Variants in CADM2 observed in about 807,000 individuals in gnomAD.
CADM2 encodes immunoglobulin superfamily member 4D.
A neutral mutation model predicts 49.8 loss-of-function variants in CADM2; 12 were observed. The ratio of observed to expected loss-of-function variants is 0.24; its 90% CI spans 0.15 to 0.39. CADM2 has a LOEUF of 0.39. Among genes scored for constraint, CADM2 ranks in the 10% least tolerant of loss-of-function variants. The probability of loss-of-function intolerance (pLI) is 1.00; values close to 1 mark genes in which losing one functional copy is unlikely to be tolerated. For synonymous variants in CADM2, 214 were observed against 175.4 expected (o/e 1.22, Z -1.74); for missense variants, 378 against 492.3 (o/e 0.77, Z 2.20).
chr3:85,442,144 C>T (rs190401135), intron 1 of CADM2, among the ~76,000 whole-genome samples: 15 of 152,026 alleles, frequency 9.9e-5, no homozygotes, highest in East Asian at 7.7e-4. Context: ...TTTTTATGCG[C>T]GTCATAAAAG....
At chr3:85,005,640 A>C (rs560495614) in intron 1 of CADM2, among the ~76,000 whole-genome samples, 18 of 152,124 alleles carry the variant, frequency 1.2e-4, no homozygotes, top group African/African-American at 4.1e-4. Context: ...ACGTGCAGAG[A>C]TGGAATAACG....
intron 8 of CADM2, among the ~76,000 whole-genome samples, chr3:86,017,013 C>A (rs1732337098): frequency 6.6e-6 from 1 of 151,670 alleles, no homozygotes; most frequent in African/African-American, 2.4e-5. Context: ...TAGAAAAATA[C>A]AATAATCATT....
At position 85,206,409 on chromosome 3, in the gene CADM2, A is replaced by G. The variant is rs560860483; in HGVS notation, c.61+246741A>G. On this transcript the variant is annotated intron_variant, in intron 1 of 9. Transcript: ENST00000383699. ...TGCAAGCTCCGCCTCCCAGGTTCACACCATTCTCCTGCCTCAGCCTCCCGA... is the reference window on the plus strand; with the variant it reads ...TGCAAGCTCCGCCTCCCAGGTTCACGCCATTCTCCTGCCTCAGCCTCCCGA... Among the ~76,000 whole-genome samples, 25 of 149,194 alleles carry G rather than the reference A, an allele frequency of 1.7e-4. No individual in the cohort carries two copies. In the South Asian group the frequency reaches 2.1e-3, roughly 13 times the overall value.
chr3:85,220,386 A>G (rs1310709772), intron 1 of CADM2, among the ~76,000 whole-genome samples: 1 of 152,144 alleles, frequency 6.6e-6, no homozygotes, highest in Admixed American at 6.5e-5. Flanking sequence ...TCAGCATTCT[A>G]TATTACTGTC....
intron 1 of CADM2, among the ~76,000 whole-genome samples, chr3:85,143,956 G>A (rs1488316103): frequency 2.0e-5 from 3 of 152,084 alleles, no homozygotes; most frequent in Admixed American, 2.0e-4. Flanking sequence ...TTCATCTTCA[G>A]TTATACTCCT....
chr3:85,166,897 A>G (rs922940118), intron 1 of CADM2, among the ~76,000 whole-genome samples: 1 of 151,980 alleles, frequency 6.6e-6, no homozygotes. Flanking sequence ...ATTGTATATG[A>G]TAAAATTAAA....
In CADM2 at chr3:85,007,199, G is replaced by T. The variant is rs116616117; in HGVS notation, c.61+47531G>T. 6.1e-3 allele frequency among the ~76,000 whole-genome samples: 931 copies of T among 152,108 alleles called. 15 individuals are homozygous for T. The highest frequency in any genetic ancestry group is 0.021 in the African/African-American group (891 of 41,506). ...TTTTAATTATTTAGAAAAAATTCTC[G>T]AATCAGGTAGTATTCAAGCTTGTAG... On this transcript the variant is annotated intron_variant, in intron 1 of 9. Coordinates refer to ENST00000383699, the MANE Select transcript of CADM2 (RefSeq NM_001167675.2).
intron 1 of CADM2, among the ~76,000 whole-genome samples, chr3:85,428,113 T>C (rs2036497405): frequency 6.6e-6 from 1 of 151,636 alleles, no homozygotes; most frequent in Admixed American, 6.6e-5. Flanking sequence ...GTGATGCTGG[T>C]TATTTCACTA....
intron 1 of CADM2, among the ~76,000 whole-genome samples, chr3:85,014,981 G>GA (rs1451540769): frequency 6.6e-6 from 1 of 152,024 alleles, no homozygotes; most frequent in Non-Finnish European, 1.5e-5. Flanking sequence ...CTTATAATGA[G>GA]AAAGAAGGTT....
intron 1 of CADM2, among the ~76,000 whole-genome samples, chr3:85,618,285 G>A (rs1448307484): frequency 6.6e-6 from 1 of 152,010 alleles, no homozygotes; most frequent in African/African-American, 2.4e-5. Flanking sequence ...AAAAGATATT[G>A]GGAATCACAA....
At chr3:85,309,924 G>T (rs1403241219) in intron 1 of CADM2, among the ~76,000 whole-genome samples, 3 of 152,156 alleles carry the variant, frequency 2.0e-5, no homozygotes, top group South Asian at 2.1e-4. Context: ...GAATGTTTCT[G>T]CTCTTTTTGT....
intron 1 of CADM2, among the ~76,000 whole-genome samples, chr3:85,029,871 T>A (rs2034902288): frequency 6.6e-6 from 1 of 152,216 alleles, no homozygotes; most frequent in South Asian, 2.1e-4. Context: ...ATTTCTCATG[T>A]TCCTTCACAT....
intron 1 of CADM2, among the ~76,000 whole-genome samples, chr3:85,553,790 A>G (rs967191250): frequency 5.9e-5 from 9 of 152,324 alleles, no homozygotes; most frequent in Middle Eastern, 3.4e-3. Flanking sequence ...ATTAGACTTA[A>G]GAAAAGTATT....
intron 1 of CADM2, among the ~76,000 whole-genome samples, chr3:85,503,093 C>A (rs79093540): frequency 2.4e-5 from 1 of 41,618 alleles, no homozygotes; most frequent in East Asian, 8.5e-3. Flanking sequence ...ACATATACTC[C>A]TAACATAAAG....
rs566941283 is a variant in CADM2 at position 85,927,488 on chromosome 3, T to A, written c.701-8279T>A. On this transcript the variant is annotated intron_variant, in intron 6 of 9. Transcript: ENST00000383699. ...TAGTGAAACAATGGATAGAAATGGG[T>A]ACTAGCACTCTTCTTTGTGTGTCTT... Among the ~76,000 whole-genome samples, 7 of 152,292 alleles carry A rather than the reference T, an allele frequency of 4.6e-5. No homozygotes were observed. The South Asian group carries it at 1.4e-3, about 32-fold the overall frequency.
intron 8 of CADM2, among the ~76,000 whole-genome samples, chr3:86,018,953 A>T (rs1168062784): frequency 5.5e-5 from 8 of 145,508 alleles, no homozygotes; most frequent in African/African-American, 2.1e-4. Flanking sequence ...GTCCTTGCCC[A>T]TGCCTATGTC....
intron 1 of CADM2, among the ~76,000 whole-genome samples, chr3:85,581,326 A>C (rs996504370): frequency 6.6e-6 from 1 of 152,052 alleles, no homozygotes; most frequent in South Asian, 2.1e-4. Flanking sequence ...ATGTCTAGAC[A>C]TTGAGACCTA....
intron 1 of CADM2, among the ~76,000 whole-genome samples, chr3:85,718,875 A>G (rs1308511824): frequency 7.2e-6 from 1 of 138,502 alleles, no homozygotes; most frequent in Non-Finnish European, 1.5e-5. Flanking sequence ...GAGGAAATTA[A>G]TGGTATTTTA....
At chr3:85,095,770 C>G (rs1185205884) in intron 1 of CADM2, among the ~76,000 whole-genome samples, 1 of 152,122 alleles carries the variant, frequency 6.6e-6, no homozygotes, top group African/African-American at 2.4e-5. Flanking sequence ...GAACACATCT[C>G]TAATTTTTTT....
Sources: gnomAD v4.1 joint callset for allele counts (sites outside exome capture counted in the v4.1 genomes callset) on GRCh38, gnomAD v4.1.1 for gene constraint, MANE v1.5 for transcripts, NCBI Gene and HGNC (gene_info 2026-07-23, HGNC 2026-07-21) for gene names.